GRM8: variants seen among roughly 807,000 people sequenced by gnomAD.
GRM8 encodes the protein metabotropic glutamate receptor 8.
A neutral mutation model predicts 87.2 loss-of-function variants in GRM8; 47 were observed. The ratio of observed to expected loss-of-function variants is 0.54; its 90% CI spans 0.43 to 0.69. The LOEUF (loss-of-function observed/expected upper bound fraction) is 0.69, where lower values mean the gene tolerates loss of function less well. GRM8 is among the 30% of genes least tolerant of loss of function. The pLI is 0.00. For synonymous variants in GRM8, 396 were observed against 404.5 expected (o/e 0.98, Z 0.25); for missense variants, 1,019 against 1,139.2 (o/e 0.89, Z 1.52).
At chr7:126,498,485 A>G (rs1243048441) in intron 9 of GRM8, among the ~76,000 whole-genome samples, 1 of 151,930 alleles carries the variant, frequency 6.6e-6, no homozygotes, top group Non-Finnish European at 1.5e-5. Context: ...GTACCATTTT[A>G]ATAGACCATA....
chr7:126,500,048 AAGTACT>A (rs1325551934), intron 9 of GRM8, among the ~76,000 whole-genome samples: 1 of 151,950 alleles, frequency 6.6e-6, no homozygotes, highest in Non-Finnish European at 1.5e-5. Context: ...TTATCACCTC[AAGTACT>A]TATGATTTCT....
At chr7:126,472,941 A>G (rs1443224068) in intron 9 of GRM8, among the ~76,000 whole-genome samples, 4 of 152,176 alleles carry the variant, frequency 2.6e-5, no homozygotes, top group African/African-American at 9.7e-5. Context: ...GGGTGCATAA[A>G]AGTCAAGAAT....
chr7:126,955,181 G>T (rs1025999676), intron 3 of GRM8, among the ~76,000 whole-genome samples: 1 of 152,060 alleles, frequency 6.6e-6, no homozygotes, highest in Non-Finnish European at 1.5e-5. Context: ...TTTTAAAAAA[G>T]GAATGACAGT....
chr7:126,464,684 A>AT (rs1192602286), intron 9 of GRM8, among the ~76,000 whole-genome samples: 1 of 151,476 alleles, frequency 6.6e-6, no homozygotes, highest in Non-Finnish European at 1.5e-5. Context: ...ATATCATCTT[A>AT]TTTTTTTAGA....
At chr7:126,598,294 T>C (rs780028742) in intron 8 of GRM8, among the ~76,000 whole-genome samples, 10 of 152,098 alleles carry the variant, frequency 6.6e-5, no homozygotes, top group Non-Finnish European at 1.5e-4. Context: ...CCCTGAATAC[T>C]AGTAGATTGC....
chr7:127,198,829 C>T (rs1458398139), intron 2 of GRM8, among the ~76,000 whole-genome samples: 1 of 140,778 alleles, frequency 7.1e-6, no homozygotes, highest in Non-Finnish European at 1.5e-5. Context: ...CAAGCACCAC[C>T]GTGCCTAATT....
intron 7 of GRM8, among the ~76,000 whole-genome samples, chr7:126,749,378 A>C (rs1477219548): frequency 6.6e-6 from 1 of 152,012 alleles, no homozygotes; most frequent in Non-Finnish European, 1.5e-5. Flanking sequence ...ATGAAAAAAA[A>C]ATTCATAAGC....
intron 7 of GRM8, among the ~76,000 whole-genome samples, chr7:126,691,717 C>T (rs747978153): frequency 1.3e-5 from 2 of 152,064 alleles, no homozygotes; most frequent in African/African-American, 2.4e-5. Flanking sequence ...GGGGCCCCCA[C>T]AAGGATGAAA....
intron 7 of GRM8, among the ~76,000 whole-genome samples, chr7:126,658,239 C>T (rs1804756361): frequency 6.6e-6 from 1 of 152,106 alleles, no homozygotes; most frequent in East Asian, 1.9e-4. Flanking sequence ...GTTATGGCTC[C>T]CAGAGTCATG....
chr7:127,167,241 C>T (rs763149422), intron 2 of GRM8, among the ~76,000 whole-genome samples: 12 of 152,110 alleles, frequency 7.9e-5, no homozygotes, highest in Non-Finnish European at 1.5e-4. Flanking sequence ...CAGTCTGCTC[C>T]TTATCATCAT....
intron 6 of GRM8, among the ~76,000 whole-genome samples, chr7:126,864,063 G>T (rs868571726): frequency 8.6e-5 from 6 of 69,484 alleles, no homozygotes; most frequent in Middle Eastern, 0.014. Context: ...TAGAGACAAA[G>T]TCTTGTTATG....
intron 3 of GRM8, among the ~76,000 whole-genome samples, chr7:126,945,954 C>G (rs1325752172): frequency 6.6e-6 from 1 of 152,160 alleles, no homozygotes; most frequent in African/African-American, 2.4e-5. Context: ...CTGTGTTTTT[C>G]ACATATTTAT....
intron 8 of GRM8, among the ~76,000 whole-genome samples, chr7:126,598,495 T>C (rs751526721): frequency 4.6e-5 from 7 of 152,274 alleles, no homozygotes; most frequent in Non-Finnish European, 7.4e-5. Context: ...AAGTTGAGTA[T>C]GAACTAAAAT....
intron 8 of GRM8, among the ~76,000 whole-genome samples, chr7:126,535,595 T>C (rs1443751368): frequency 1.3e-5 from 2 of 152,216 alleles, no homozygotes; most frequent in Non-Finnish European, 2.9e-5. Context: ...GGGTGGATTA[T>C]GCAGAAATTT....
chr7:126,715,001 A>G (rs956174158), intron 7 of GRM8, among the ~76,000 whole-genome samples: 1 of 152,202 alleles, frequency 6.6e-6, no homozygotes, highest in Non-Finnish European at 1.5e-5. Flanking sequence ...AATGGTAGGC[A>G]ACCACGGCTG....
At chr7:126,997,205 A>C (rs1213088380) in intron 3 of GRM8, among the ~76,000 whole-genome samples, 1 of 151,944 alleles carries the variant, frequency 6.6e-6, no homozygotes, top group Non-Finnish European at 1.5e-5. Context: ...CCAGTGGGTC[A>C]ATGAAGAAAT....
chr7:126,859,028 C>T (rs1342438165), intron 6 of GRM8, among the ~76,000 whole-genome samples: 1 of 151,912 alleles, frequency 6.6e-6, no homozygotes, highest in Non-Finnish European at 1.5e-5. Flanking sequence ...TCCCAGACCA[C>T]CACATGATAA....
At chr7:126,506,871 A>C (rs973671305) in intron 9 of GRM8, among the ~76,000 whole-genome samples, 31 of 152,102 alleles carry the variant, frequency 2.0e-4, no homozygotes, top group African/African-American at 7.2e-4. Context: ...TATGTAACTG[A>C]AAGGCAACTC....
At chr7:126,970,060 T>A (rs1232699895) in intron 3 of GRM8, among the ~76,000 whole-genome samples, 1 of 152,164 alleles carries the variant, frequency 6.6e-6, no homozygotes, top group Non-Finnish European at 1.5e-5. Context: ...AACCATGCTA[T>A]AAAGACATGT....
Sources: allele counts gnomAD v4.1 joint callset (sites outside exome capture counted in the v4.1 genomes callset), GRCh38; gene constraint gnomAD v4.1.1; transcripts MANE v1.5; gene names NCBI Gene and HGNC (gene_info 2026-07-23, HGNC 2026-07-21).